DRC1: variants seen among roughly 807,000 people sequenced by gnomAD.
DRC1 encodes dynein regulatory complex protein 1.
In DRC1, 74 loss-of-function variants were observed where a neutral mutation model predicts 98.7. The ratio of observed to expected loss-of-function variants is 0.75; its 90% CI spans 0.62 to 0.91. The LOEUF is 0.91. Among genes scored for constraint, DRC1 ranks in the 40% least tolerant of loss-of-function variants. The pLI, the probability that DRC1 is intolerant of heterozygous loss-of-function variation, is 0.00. For missense variants in DRC1, 875 were observed against 886.0 expected, an observed-to-expected ratio of 0.99 and a Z score of 0.16; for synonymous variants, 336 against 334.1, an observed-to-expected ratio of 1.01 and a Z score of -0.06.
intron 3 of DRC1, among the ~76,000 whole-genome samples, chr2:26,424,020 G>A (rs954522034): frequency 4.7e-5 from 7 of 149,952 alleles, no homozygotes; most frequent in African/African-American, 1.7e-4. Flanking sequence ...GCGTGTGTAT[G>A]TGTGTGTGTG....
Position 26,414,200 on chromosome 2 carries a change from C to T in DRC1, c.156-144C>T, listed in dbSNP as rs1344734. ...CTATTTTGGCCATGCTGATCTTGAACTCCTGGCCTTAAGCAATCCTCCTGT... is the reference window on the plus strand; with the variant it reads ...CTATTTTGGCCATGCTGATCTTGAATTCCTGGCCTTAAGCAATCCTCCTGT... On this transcript the variant is annotated intron_variant, in intron 1 of 16. Transcript: ENST00000288710. The T allele has an allele frequency of 0.27, 145,766 of 532,380 alleles. 20,844 individuals are homozygous for T. The highest frequency in any genetic ancestry group is 0.33 in the Middle Eastern group (621 of 1,904). 33.0% of individuals were successfully genotyped at this position (532,380 alleles called of 1,614,324 possible). A position where few individuals can be genotyped will look rare whatever the true frequency, so the allele number is the denominator to read the frequency against.
chr2:26,434,783 C>G (rs1663528357), intron 7 of DRC1, among the ~76,000 whole-genome samples: 1 of 151,358 alleles, frequency 6.6e-6, no homozygotes, highest in African/African-American at 2.4e-5. Flanking sequence ...CCCAGCTACT[C>G]AGTAGGCTGA....
chr2:26,418,172 A>G (rs1240831549), intron 2 of DRC1, among the ~76,000 whole-genome samples: 2 of 152,082 alleles, frequency 1.3e-5, no homozygotes, highest in African/African-American at 2.4e-5. Context: ...GATGGGAGCC[A>G]AAATTCCCCG....
In DRC1 at chr2:26,453,505, C is replaced by T. The variant is rs1342828105; in HGVS notation, c.1875C>T (p.Val625=). 6.2e-7 allele frequency: 1 copy of T among 1,614,160 alleles called. No individual in the cohort carries two copies. The change falls in exon 14 of 17, where the codon GTC becomes GTT. Residue 625 remains valine (V), a synonymous_variant. Transcript: ENST00000288710. The part of the protein sequence containing the change: ...PSPWVIHPND[V]LKILEAFVMG... ...CCTGGGTCATCCACCCCAATGATGTCCTCAAGATTCTGGAGGCCTTCGTCA... is the reference window on the plus strand; with the variant it reads ...CCTGGGTCATCCACCCCAATGATGTTCTCAAGATTCTGGAGGCCTTCGTCA...
chr2:26,429,207 ATTATTAT>A (rs1663365716), intron 4 of DRC1, among the ~76,000 whole-genome samples: 3 of 146,496 alleles, frequency 2.0e-5, no homozygotes, highest in Non-Finnish European at 4.5e-5. Context: ...TATTATTATT[ATTATTAT>A]TATTATTATT....
At chr2:26,447,255 A>G (rs1663877838) in intron 10 of DRC1, among the ~76,000 whole-genome samples, 1 of 151,464 alleles carries the variant, frequency 6.6e-6, no homozygotes, top group African/African-American at 2.4e-5. Context: ...TCTACTAAAA[A>G]TACAAAAATT....
intron 7 of DRC1, among the ~76,000 whole-genome samples, chr2:26,432,294 C>T (rs980916265): frequency 1.3e-5 from 2 of 151,962 alleles, no homozygotes; most frequent in South Asian, 2.1e-4. Flanking sequence ...CCCCGGAGTT[C>T]GAGACCAACC....
intron 1 of DRC1, among the ~76,000 whole-genome samples, chr2:26,410,846 A>G (rs1678585795): frequency 6.6e-6 from 1 of 152,188 alleles, no homozygotes; most frequent in South Asian, 2.1e-4. Context: ...AAAACAAAAC[A>G]AAAACATGGT....
intron 1 of DRC1, among the ~76,000 whole-genome samples, chr2:26,413,153 T>C (rs1678674488): frequency 6.6e-6 from 1 of 152,230 alleles, no homozygotes; most frequent in African/African-American, 2.4e-5. Context: ...TTTACTTAAC[T>C]GCTGTGGACA....
At chr2:26,446,223 A>T (rs533260443) in intron 10 of DRC1, among the ~76,000 whole-genome samples, 2 of 150,870 alleles carry the variant, frequency 1.3e-5, no homozygotes, top group East Asian at 3.9e-4. Flanking sequence ...CTGCCTCCCG[A>T]GTAGCTGGGA....
Position 26,453,489 on chromosome 2 carries a change from T to A in DRC1, c.1859T>A (p.Ile620Asn). 1 of 1,614,158 alleles carries A rather than the reference T, an allele frequency of 6.2e-7. No individual in the cohort carries two copies. Among genetic ancestry groups the A allele is most frequent in the Non-Finnish European group, 8.5e-7 (1 of 1,180,042 alleles). The change falls in exon 14 of 17, where the codon ATC becomes AAC. Residue 620 changes from isoleucine (I) to asparagine (N), a missense_variant. Coordinates refer to ENST00000288710, the MANE Select transcript of DRC1 (RefSeq NM_145038.5). ...EEETPPSPWVIHPNDVLKILE... is the reference protein window; with the variant it reads ...EEETPPSPWVNHPNDVLKILE... Reference sequence around the variant, plus strand: ...GAGACCCCACCCTCCCCCTGGGTCATCCACCCCAATGATGTCCTCAAGATT... The same window carrying A: ...GAGACCCCACCCTCCCCCTGGGTCAACCACCCCAATGATGTCCTCAAGATT...
chr2:26,438,359 T>C (rs1250928911), intron 7 of DRC1, among the ~76,000 whole-genome samples: 1 of 152,172 alleles, frequency 6.6e-6, no homozygotes, highest in Non-Finnish European at 1.5e-5. Context: ...TTTTCTACAA[T>C]GAGCAAATAT....
At chr2:26,402,951 T>G (rs1272227485) in intron 1 of DRC1, among the ~76,000 whole-genome samples, 1 of 152,230 alleles carries the variant, frequency 6.6e-6, no homozygotes, top group Non-Finnish European at 1.5e-5. Context: ...TCATATGGCC[T>G]CTTTCCTAGC....
chr2:26,456,567 T>C lies in DRC1; in HGVS notation c.*50T>C. On this transcript the variant is annotated 3_prime_UTR_variant, in exon 17 of 17. Transcript: ENST00000288710. ...TTAGGGCTGGCCTGATGCTGGTGTC[T>C]GTGCCGGAGCCAGCTCATATCACCC... 6.2e-7 allele frequency: 1 copy of C among 1,608,626 alleles called. No homozygotes were observed. Among genetic ancestry groups the C allele is most frequent in the South Asian group, 1.1e-5 (1 of 90,776 alleles).
chr2:26,448,715 C>T lies in DRC1; in HGVS notation c.1421C>T (p.Ala474Val), dbSNP rs868043903. 1 of 1,614,222 alleles carries T rather than the reference C, an allele frequency of 6.2e-7. No homozygotes were observed. The highest frequency in any genetic ancestry group is 8.5e-7 in the Non-Finnish European group (1 of 1,180,042). The part of the protein sequence containing the change: ...RSEEEEAEEA[A>V]AEPESYLDLP... ...GAAGAGGAGGAGGCAGAAGAGGCCG[C>T]CGCGGAACCAGAGTCCTACCTGGAT... is the stretch of plus-strand genomic sequence containing the variant. The change falls in exon 11 of 17, where the codon GCC (alanine) becomes GTC (valine). Residue 474 changes from alanine to valine, a missense_variant. Coordinates refer to ENST00000288710, the MANE Select transcript of DRC1 (RefSeq NM_145038.5).
intron 7 of DRC1, among the ~76,000 whole-genome samples, chr2:26,435,824 G>A (rs778338240): frequency 1.3e-5 from 2 of 151,448 alleles, no homozygotes; most frequent in Non-Finnish European, 2.9e-5. Flanking sequence ...ATTCCATGGT[G>A]TATACGTACC....
At chr2:26,444,486 A>G in intron 9 of DRC1, 130 bp downstream of exon 9, 1 of 1,313,734 alleles carries the variant, frequency 7.6e-7, no homozygotes, top group Non-Finnish European at 1.0e-6. Flanking sequence ...GCACTAGTTA[A>G]CCTTTTGTGG....
At chr2:26,405,951 C>T (rs977475887) in intron 1 of DRC1, among the ~76,000 whole-genome samples, 4 of 152,220 alleles carry the variant, frequency 2.6e-5, no homozygotes, top group South Asian at 4.1e-4. Context: ...TGAGCCACTG[C>T]GCCCTGCCTC....
At chr2:26,411,877 T>C (rs1489469499) in intron 1 of DRC1, among the ~76,000 whole-genome samples, 2 of 152,096 alleles carry the variant, frequency 1.3e-5, no homozygotes, top group Non-Finnish European at 1.5e-5. Context: ...GAAGCACTGA[T>C]CTTTGATCCA....
Sources: allele counts gnomAD v4.1 joint callset (sites outside exome capture counted in the v4.1 genomes callset), GRCh38; gene constraint gnomAD v4.1.1; transcripts MANE v1.5; gene names NCBI Gene and HGNC (gene_info 2026-07-23, HGNC 2026-07-21).